Variants in ZSCAN10 observed in about 807,000 individuals in gnomAD.
ZSCAN10 encodes the protein zinc finger and SCAN domain-containing protein 10.
A neutral mutation model predicts 63.7 loss-of-function variants in ZSCAN10; 52 were observed. The observed-to-expected ratio is 0.82, with a 90% CI of 0.65 to 1.03. ZSCAN10 has a LOEUF of 1.03. Ranked by LOEUF, ZSCAN10 falls within the 50% of genes least tolerant of loss-of-function variation. The pLI is 0.00. For missense variants in ZSCAN10, 1,223 were observed against 1,103.8 expected (o/e 1.11, Z -1.53); for synonymous variants, 544 against 479.6 (o/e 1.13, Z -1.76).
chr16:3,097,948 CAGA>C (rs1957173420), intron 1 of ZSCAN10, among the ~76,000 whole-genome samples: 1 of 147,292 alleles, frequency 6.8e-6, no homozygotes, highest in Non-Finnish European at 1.5e-5. Flanking sequence ...GTGGCCAAGG[CAGA>C]AGGATTGCTT....
chr16:3,092,080 G>C lies in ZSCAN10; in HGVS notation c.633C>G (p.Pro211=). 1.9e-6 allele frequency: 3 copies of C among 1,583,176 alleles called. No homozygotes were observed. Among genetic ancestry groups the C allele is most frequent in the African/African-American group, 2.7e-5 (2 of 74,074 alleles). ...CTTGCAGGGCCTGGAATGTCTTCTG[G>C]GGCCCCGGGCTCAGCGGCTGCTTTG... ...PSSKQPLSPG[P]QKTFQALQES... The change falls in exon 3 of 6, where the codon CCC becomes CCG. Residue 211 remains proline (P), a synonymous_variant. Transcript: ENST00000576985.
chr16:3,089,283 C>T lies in ZSCAN10; in HGVS notation c.2151G>A (p.Gln717=), dbSNP rs190615917. 6,058 of 1,563,400 alleles carry T rather than the reference C, an allele frequency of 3.9e-3. 17 individuals are homozygous for T. The highest frequency in any genetic ancestry group is 4.8e-3 in the Non-Finnish European group (5,568 of 1,163,086). The change falls in exon 6 of 6, where the codon CAG becomes CAA. Residue 717 remains glutamine, a synonymous_variant. Coordinates refer to ENST00000576985, the MANE Select transcript of ZSCAN10 (RefSeq NM_032805.3). Reference sequence around the variant, plus strand: ...ACTCCTGCGGGGGCTCGGCCTGCTCCTGCCCGGGCTCCGCATGGGTAGCCA... The same window carrying T: ...ACTCCTGCGGGGGCTCGGCCTGCTCTTGCCCGGGCTCCGCATGGGTAGCCA... ...RHLATHAEPG[Q]EQAEPPQECV...
chr16:3,091,954 G>C, intron 3 of ZSCAN10, 95 bp downstream of exon 3: 1 of 1,577,172 alleles, frequency 6.3e-7, no homozygotes. Flanking sequence ...TCCTGTCCTG[G>C]TCACCTGGGG....
intron 1 of ZSCAN10, among the ~76,000 whole-genome samples, chr16:3,098,689 C>A (rs1473758336): frequency 6.6e-6 from 1 of 152,222 alleles, no homozygotes; most frequent in African/African-American, 2.4e-5. Flanking sequence ...GGGAGGCAGG[C>A]AGAGGCTCTA....
intron 1 of ZSCAN10, among the ~76,000 whole-genome samples, chr16:3,096,709 C>T (rs1004185693): frequency 6.6e-6 from 1 of 152,130 alleles, no homozygotes; most frequent in Non-Finnish European, 1.5e-5. Context: ...GGATGGATCA[C>T]CTGAGGTCAG....
intron 1 of ZSCAN10, among the ~76,000 whole-genome samples, chr16:3,095,514 C>CAA (rs35286530): frequency 0.48 from 63,763 of 131,852 alleles, 14,978 homozygotes; most frequent in South Asian, 0.53. Flanking sequence ...GACTCCGTCT[C>CAA]AAAAAAAAAA....
chr16:3,094,678 T>C (rs1400884033), intron 1 of ZSCAN10, among the ~76,000 whole-genome samples: 2 of 151,952 alleles, frequency 1.3e-5, no homozygotes, highest in Non-Finnish European at 2.9e-5. Flanking sequence ...TTCCAATGTT[T>C]AGGGCCTTGC....
At position 3,089,556 on chromosome 16, in the gene ZSCAN10, G is replaced by T. The variant is rs1957035733; in HGVS notation, c.1878C>A (p.Arg626=). ...GGCAGGGCTTCTCGCCCGTGTGGCT[G>T]CGCTGGTGGCGGGCCAGATCCTGGG... ...GQTQDLARHQ[R]SHTGEKPCRC... The change falls in exon 6 of 6, where the codon CGC becomes CGA. Residue 626 remains arginine, a synonymous_variant. Transcript: ENST00000576985. The T allele has an allele frequency of 8.1e-6, 13 of 1,596,458 alleles. No individual in the cohort carries two copies. Among genetic ancestry groups the T allele is most frequent in the Non-Finnish European group, 1.1e-5 (13 of 1,172,342 alleles).
intron 1 of ZSCAN10, among the ~76,000 whole-genome samples, chr16:3,095,652 C>T (rs931653976): frequency 6.6e-6 from 1 of 151,808 alleles, no homozygotes; most frequent in South Asian, 2.1e-4. Context: ...CACGGTGAAA[C>T]CCCGTCTCTA....
Position 3,089,425 on chromosome 16 carries a change from CGGT to C in ZSCAN10, c.2006_2008del (p.His669del). 1 of 1,604,532 alleles carries C rather than the reference CGGT, an allele frequency of 6.2e-7. No individual in the cohort carries two copies. Among genetic ancestry groups the C allele is most frequent in the Non-Finnish European group, 8.5e-7 (1 of 1,178,340 alleles). On this transcript the variant is annotated inframe_deletion, in exon 6 of 6. Coordinates refer to ENST00000576985, the MANE Select transcript of ZSCAN10 (RefSeq NM_032805.3). ...GGCCAGGTTGGAGCTATTGCGGAAA[CGGT>C]GGCCGCAGGTGTCGCAGGCGTGGGG...
At position 3,092,309 on chromosome 16, in the gene ZSCAN10, C is replaced by G. The variant is rs1298704340; in HGVS notation, c.404G>C (p.Ser135Thr). 1.9e-6 allele frequency: 3 copies of G among 1,602,450 alleles called. No individual in the cohort carries two copies. Among genetic ancestry groups the G allele is most frequent in the Non-Finnish European group, 2.6e-6 (3 of 1,174,428 alleles). ...EPSHAGPLDF[S>T]CNAGKSCPRA... ...GGGACAACTCTTGCCAGCATTACAACTAAAATCCTGTTCAAAACACATTCA... is the reference window on the plus strand; with the variant it reads ...GGGACAACTCTTGCCAGCATTACAAGTAAAATCCTGTTCAAAACACATTCA... Residue 135 changes from serine to threonine, a missense_variant, in exon 3 of 6, where the codon AGT (serine) becomes ACT (threonine). Transcript: ENST00000576985.
At position 3,090,501 on chromosome 16, in the gene ZSCAN10, G is replaced by C. The variant is rs1200237995; in HGVS notation, c.933C>G (p.Gly311=). The C allele has an allele frequency of 1.2e-6, 2 of 1,613,228 alleles. No individual in the cohort carries two copies. The highest frequency in any genetic ancestry group is 3.3e-5 in the Admixed American group (2 of 60,024). Residue 311 remains glycine, a synonymous_variant, in exon 6 of 6, where the codon GGC becomes GGG. Coordinates refer to ENST00000576985, the MANE Select transcript of ZSCAN10 (RefSeq NM_032805.3). ...GEPCAQSLGR[G]AAASGPGEDG... Reference sequence around the variant, plus strand: ...CTTCACCAGGGCCGCTAGCCGCAGCGCCCCGTCCGAGCGACTGGGCGCAAG... The same window carrying C: ...CTTCACCAGGGCCGCTAGCCGCAGCCCCCCGTCCGAGCGACTGGGCGCAAG...
At chr16:3,094,081 C>T (rs945707957) in intron 1 of ZSCAN10, among the ~76,000 whole-genome samples, 10 of 152,296 alleles carry the variant, frequency 6.6e-5, no homozygotes, top group African/African-American at 1.7e-4. Flanking sequence ...GGCGCAATCA[C>T]GGCTCACTGC....
intron 1 of ZSCAN10, among the ~76,000 whole-genome samples, chr16:3,098,795 G>T (rs927005782): frequency 1.3e-5 from 2 of 152,226 alleles, no homozygotes; most frequent in African/African-American, 4.8e-5. Context: ...CCAGAGTTGG[G>T]GAAGGCGGCA....
At chr16:3,090,899 A>T (rs1449000252) in intron 5 of ZSCAN10, among the ~76,000 whole-genome samples, 1 of 151,852 alleles carries the variant, frequency 6.6e-6, no homozygotes, top group Non-Finnish European at 1.5e-5. Flanking sequence ...ACAAAAAAAA[A>T]AAAAAAAAAC....
intron 1 of ZSCAN10, among the ~76,000 whole-genome samples, chr16:3,094,416 G>A (rs1596287738): frequency 6.6e-6 from 1 of 152,164 alleles, no homozygotes; most frequent in Admixed American, 6.5e-5. Flanking sequence ...CAAGATCTCG[G>A]CTCACCGCAA....
In ZSCAN10 at chr16:3,089,902, C is replaced by G. The variant is rs1957044506; in HGVS notation, c.1532G>C (p.Gly511Ala). Residue 511 changes from glycine to alanine, a missense_variant, in exon 6 of 6, where the codon GGC becomes GCC. By Grantham distance (60) the Gly-to-Ala change is moderately conservative. Transcript: ENST00000576985. ...DKDRRSSEGS[G>A]SRRRDSDRRP... ...CCGGTCGGAGTCCCGGCGGCGGCTG[C>G]CGGAGCCTTCGGAGGACCGGCGGTC... is the stretch of plus-strand genomic sequence containing the variant. 1 of 1,535,114 alleles carries G rather than the reference C, an allele frequency of 6.5e-7. No homozygotes were observed. Among genetic ancestry groups the G allele is most frequent in the Admixed American group, 2.0e-5 (1 of 50,758 alleles).
At chr16:3,098,787 A>G (rs1224315650) in intron 1 of ZSCAN10, among the ~76,000 whole-genome samples, 1 of 152,218 alleles carries the variant, frequency 6.6e-6, no homozygotes, top group Non-Finnish European at 1.5e-5. Context: ...CTGAGAGCCC[A>G]GAGTTGGGGA....
Position 3,089,546 on chromosome 16 carries a change from C to T in ZSCAN10, c.1888G>A (p.Gly630Ser), listed in dbSNP as rs1334406893. ...DLARHQRSHTGEKPCRCSECG... is the reference protein window; with the variant it reads ...DLARHQRSHTSEKPCRCSECG... ...TCGCTGCAGCGGCAGGGCTTCTCGC[C>T]CGTGTGGCTGCGCTGGTGGCGGGCC... Residue 630 changes from glycine (G) to serine (S), a missense_variant, in exon 6 of 6, where the codon GGC (glycine) becomes AGC (serine). Gly to Ser is a moderately conservative substitution (Grantham distance 56). Transcript: ENST00000576985. 6.2e-7 allele frequency: 1 copy of T among 1,601,872 alleles called. No homozygotes were observed. Among genetic ancestry groups the T allele is most frequent in the Non-Finnish European group, 8.5e-7 (1 of 1,174,916 alleles).
Sources: gnomAD v4.1 joint callset for allele counts (sites outside exome capture counted in the v4.1 genomes callset) on GRCh38, gnomAD v4.1.1 for gene constraint, MANE v1.5 for transcripts, NCBI Gene and HGNC (gene_info 2026-07-23, HGNC 2026-07-21) for gene names.